The following LRMDA variants were observed in gnomAD, a reference collection of about 807,000 sequenced individuals.
LRMDA encodes the protein leucine rich melanocyte differentiation associated, also known as leucine-rich melanocyte differentiation-associated protein.
LRMDA carries 18 observed loss-of-function variants against 29.8 expected under a neutral mutation model. That is an observed-to-expected ratio of 0.60 (90% CI 0.42 to 0.90). LRMDA has a LOEUF of 0.90. LRMDA is among the 40% of genes least tolerant of loss of function. The probability of loss-of-function intolerance (pLI) is 0.00; values close to 1 mark genes in which losing one functional copy is unlikely to be tolerated. For missense variants in LRMDA, 273 were observed against 273.9 expected, an observed-to-expected ratio of 1.00 and a Z score of 0.02; for synonymous variants, 125 against 109.4, an observed-to-expected ratio of 1.14 and a Z score of -0.89.
At chr10:76,457,728 A>G (rs573802461) in intron 6 of LRMDA, among the ~76,000 whole-genome samples, 11 of 152,200 alleles carry the variant, frequency 7.2e-5, no homozygotes, top group Non-Finnish European at 1.6e-4. Context: ...AAACAGAAAT[A>G]TAGAAACAAC....
intron 2 of LRMDA, among the ~76,000 whole-genome samples, chr10:75,602,922 A>G (rs1025683940): frequency 1.3e-5 from 2 of 152,238 alleles, no homozygotes; most frequent in East Asian, 1.9e-4. Context: ...TATTCATTCT[A>G]TAAAGCCCTG....
chr10:75,572,840 T>C (rs1229046085), intron 2 of LRMDA, among the ~76,000 whole-genome samples: 4 of 152,196 alleles, frequency 2.6e-5, no homozygotes, highest in African/African-American at 9.6e-5. Context: ...CCAGTAGTAC[T>C]AGTGTCTTTA....
At chr10:76,204,473 G>C (rs2069222577) in intron 5 of LRMDA, among the ~76,000 whole-genome samples, 1 of 152,128 alleles carries the variant, frequency 6.6e-6, no homozygotes, top group Admixed American at 6.5e-5. Context: ...CCAGACATTA[G>C]TGTTAAGGTG....
At chr10:76,554,735 G>A (rs1031544561) in intron 6 of LRMDA, among the ~76,000 whole-genome samples, 2 of 152,164 alleles carry the variant, frequency 1.3e-5, no homozygotes, top group Non-Finnish European at 2.9e-5. Flanking sequence ...TTTCTAGGGC[G>A]GCACTTGCCA....
intron 3 of LRMDA, among the ~76,000 whole-genome samples, chr10:76,039,376 T>C (rs1361317452): frequency 6.6e-6 from 1 of 152,204 alleles, no homozygotes; most frequent in African/African-American, 2.4e-5. Context: ...TTAAACAAGT[T>C]AGGAAGCTTG....
At chr10:75,935,996 T>TTTTTA (rs145141243) in intron 2 of LRMDA, among the ~76,000 whole-genome samples, 8,733 of 152,000 alleles carry the variant, frequency 0.057, 676 homozygotes, top group African/African-American at 0.17. Context: ...CTCATTTTTA[T>TTTTTA]TTTTATTTTA....
intron 2 of LRMDA, among the ~76,000 whole-genome samples, chr10:75,655,545 C>T (rs768315893): frequency 2.6e-5 from 4 of 152,208 alleles, no homozygotes; most frequent in Non-Finnish European, 4.4e-5. Flanking sequence ...GAGCTTTCAG[C>T]CATGCTGTAG....
At chr10:76,230,517 A>G (rs1852038239) in intron 5 of LRMDA, among the ~76,000 whole-genome samples, 1 of 151,750 alleles carries the variant, frequency 6.6e-6, no homozygotes, top group Non-Finnish European at 1.5e-5. Context: ...ATCAATTAAA[A>G]CAACTAGCAT....
intron 2 of LRMDA, among the ~76,000 whole-genome samples, chr10:75,931,829 G>T (rs1846210685): frequency 6.6e-6 from 1 of 152,066 alleles, no homozygotes; most frequent in African/African-American, 2.4e-5. Context: ...TCATACTCAG[G>T]GTGTGCAATG....
chr10:76,443,457 A>G (rs17465899), intron 6 of LRMDA, among the ~76,000 whole-genome samples: 38,460 of 152,052 alleles, frequency 0.25, 6,125 homozygotes, highest in Non-Finnish European at 0.37. Context: ...TACTTTGCGG[A>G]TTAGATAATG....
chr10:75,864,369 T>A (rs1844985258), intron 2 of LRMDA, among the ~76,000 whole-genome samples: 1 of 152,182 alleles, frequency 6.6e-6, no homozygotes, highest in East Asian at 1.9e-4. Context: ...GTTCAGCCCT[T>A]TAACCTCCTG....
intron 5 of LRMDA, among the ~76,000 whole-genome samples, chr10:76,193,154 G>T (rs914534825): frequency 2.6e-5 from 4 of 152,154 alleles, no homozygotes; most frequent in Non-Finnish European, 5.9e-5. Flanking sequence ...GAGTTTCCTT[G>T]CTGTTCCTGC....
chr10:75,943,572 C>T (rs192725909), intron 2 of LRMDA, among the ~76,000 whole-genome samples: 1 of 152,302 alleles, frequency 6.6e-6, no homozygotes, highest in East Asian at 1.9e-4. Flanking sequence ...TGTTATAGAA[C>T]CAAGAATGTG....
intron 6 of LRMDA, among the ~76,000 whole-genome samples, chr10:76,418,087 C>T (rs1842035449): frequency 6.6e-6 from 1 of 152,018 alleles, no homozygotes; most frequent in Non-Finnish European, 1.5e-5. Context: ...GTATCAAAAC[C>T]ATATTGGCTA....
intron 2 of LRMDA, among the ~76,000 whole-genome samples, chr10:75,527,877 G>C (rs1445276363): frequency 1.3e-5 from 2 of 151,674 alleles, no homozygotes; most frequent in African/African-American, 4.8e-5. Flanking sequence ...CGACCTTCTG[G>C]GATCAAGTGA....
At chr10:75,766,097 C>T (rs1002743803) in intron 2 of LRMDA, among the ~76,000 whole-genome samples, 5 of 152,172 alleles carry the variant, frequency 3.3e-5, no homozygotes, top group African/African-American at 9.7e-5. Flanking sequence ...TACTGACCTT[C>T]GGCTGGACAG....
chr10:75,647,516 A>C (rs1051135929), intron 2 of LRMDA: 1 of 152,308 alleles, frequency 6.6e-6, no homozygotes, highest in African/African-American at 2.4e-5. Flanking sequence ...TTGAACAAAG[A>C]GGTGAATGAG....
At chr10:76,431,555 G>A (rs1842190877) in intron 6 of LRMDA, among the ~76,000 whole-genome samples, 1 of 152,178 alleles carries the variant, frequency 6.6e-6, no homozygotes, top group Non-Finnish European at 1.5e-5. Context: ...ATGGTGCCTT[G>A]CTCTAGGGCA....
chr10:75,977,809 C>G (rs543709360), intron 2 of LRMDA, among the ~76,000 whole-genome samples: 2 of 152,184 alleles, frequency 1.3e-5, no homozygotes, highest in African/African-American at 4.8e-5. Context: ...GAGAACTCAT[C>G]TTCTGGTGTC....
Sources: allele counts gnomAD v4.1 joint callset (sites outside exome capture counted in the v4.1 genomes callset), GRCh38; gene constraint gnomAD v4.1.1; transcripts MANE v1.5; gene names NCBI Gene and HGNC (gene_info 2026-07-23, HGNC 2026-07-21).